PLEKHJ1: variants seen among roughly 807,000 people sequenced by gnomAD.
The protein encoded by PLEKHJ1 is pleckstrin homology domain containing J1, also known as pleckstrin homology domain-containing family J member 1.
Under a neutral mutation model 21.7 loss-of-function variants are expected in PLEKHJ1, and 20 were observed. The ratio of observed to expected loss-of-function variants is 0.92; its 90% CI spans 0.65 to 1.34. The LOEUF (loss-of-function observed/expected upper bound fraction) is 1.34, where lower values mean the gene tolerates loss of function less well. PLEKHJ1 is among the 40% of genes most tolerant of loss of function. The pLI, the probability that PLEKHJ1 is intolerant of heterozygous loss-of-function variation, is 0.00. For synonymous variants in PLEKHJ1, 113 were observed against 80.6 expected (o/e 1.40, Z -2.15); for missense variants, 241 against 202.0 (o/e 1.19, Z -1.17).
At chr19:2,234,566 A>T in intron 3 of PLEKHJ1, 2 of 288,062 alleles carry the variant, frequency 6.9e-6, no homozygotes, top group Non-Finnish European at 6.6e-6. Flanking sequence ...AAAATTAGCC[A>T]GGTGTGGTGG....
At chr19:2,233,976 C>G in intron 5 of PLEKHJ1, 22 bp downstream of exon 5, 1 of 1,611,918 alleles carries the variant, frequency 6.2e-7, no homozygotes, top group South Asian at 1.1e-5. Flanking sequence ...CCCACCCCGG[C>G]CCTCTGCAGC....
downstream of PLEKHJ1, chr19:2,232,433 TG>T (rs1224583556): frequency 1.9e-5 from 4 of 215,834 alleles, no homozygotes; most frequent in Middle Eastern, 1.5e-3. Context: ...TGGGAGGCTC[TG>T]CCGTGTCTTC....
At chr19:2,234,404 T>C (rs991743444) in intron 3 of PLEKHJ1, 164 bp from the exon 4 acceptor site, 11 of 591,750 alleles carry the variant, frequency 1.9e-5, no homozygotes, top group Non-Finnish European at 3.0e-5. Context: ...GGTCTTTGCA[T>C]ATAAACTAGT....
In PLEKHJ1 at chr19:2,233,442, G is replaced by C. The variant is rs371123331; in HGVS notation, c.*398C>G. 1 of 244,882 alleles carries C rather than the reference G, an allele frequency of 4.1e-6. No individual in the cohort carries two copies. Among genetic ancestry groups the C allele is most frequent in the East Asian group, 9.0e-5 (1 of 11,106 alleles). 15.2% of individuals were successfully genotyped at this position (244,882 alleles called of 1,614,324 possible). A position where few individuals can be genotyped will look rare whatever the true frequency, so the allele number is the denominator to read the frequency against. ...CTGGCGGCAGCAGCACGTGGCACCA[G>C]GTGCCAGGCCAGTTAGGTGGATCCT... On this transcript the variant is annotated 3_prime_UTR_variant, in exon 6 of 6. Transcript: ENST00000326631.
At chr19:2,234,699 C>G (rs1219034166) in intron 3 of PLEKHJ1, 1 of 158,974 alleles carries the variant, frequency 6.3e-6, no homozygotes, top group Non-Finnish European at 1.4e-5. Flanking sequence ...ACAAAAGATC[C>G]TGTCTCAAAA....
rs2024788194 is a variant in PLEKHJ1, at chr19:2,235,756, A to G, written c.229+6T>C. Reference sequence around the variant, plus strand: ...AAGCGCCGCTGGCTTCCCTAGCCCCACTCACTGATGGAGAAGGTGCCGGGC... The same window carrying G: ...AAGCGCCGCTGGCTTCCCTAGCCCCGCTCACTGATGGAGAAGGTGCCGGGC... On this transcript the variant is annotated splice_donor_region_variant and intron_variant, in intron 3 of 5. Coordinates refer to ENST00000326631, the MANE Select transcript of PLEKHJ1 (RefSeq NM_018049.3). 2.6e-6 allele frequency: 4 copies of G among 1,547,914 alleles called. No individual in the cohort carries two copies. The highest frequency in any genetic ancestry group is 1.4e-5 in the African/African-American group (1 of 72,908).
At position 2,233,655 on chromosome 19, in the gene PLEKHJ1, CTT is replaced by C. The variant is rs2024686161; in HGVS notation, c.*183_*184del. On this transcript the variant is annotated 3_prime_UTR_variant, in exon 6 of 6. Coordinates refer to ENST00000326631, the MANE Select transcript of PLEKHJ1 (RefSeq NM_018049.3). Reference sequence around the variant, plus strand: ...TTGGGAAGCTGAGGCAGGAGGATCACTTGAGTCCAGAAGGTCAAGGTCACAGT... The same window carrying C: ...TTGGGAAGCTGAGGCAGGAGGATCACGAGTCCAGAAGGTCAAGGTCACAGT... 1 of 596,420 alleles carries C rather than the reference CTT, an allele frequency of 1.7e-6. No individual in the cohort carries two copies. Among genetic ancestry groups the C allele is most frequent in the East Asian group, 2.8e-5 (1 of 35,600 alleles). The allele number at this position is 596,420 out of a possible 1,614,324, so 36.9% of individuals were successfully genotyped here.
chr19:2,235,738 G>A (rs931418442), intron 3 of PLEKHJ1, 24 bp downstream of exon 3: 14 of 1,540,386 alleles, frequency 9.1e-6, no homozygotes, highest in South Asian at 2.4e-5. Flanking sequence ...GGGAAGCGCC[G>A]CTGGCTTCCC....
chr19:2,235,949 A>G lies in PLEKHJ1; in HGVS notation c.136T>C (p.Phe46Leu). ...RLVKLVVNFL[F>L]YFRTDEAEPV... ...TCGGCCTCGTCTGTCCGAAAGTAGA[A>G]GAGGAAATTCACCACCAGCTTCACC... Residue 46 changes from phenylalanine (F) to leucine (L), a missense_variant, in exon 2 of 6, where the codon TTC becomes CTC. By Grantham distance (22) the Phe-to-Leu change is conservative. Transcript: ENST00000326631. The G allele has an allele frequency of 6.2e-7, 1 of 1,610,492 alleles. No homozygotes were observed. Among genetic ancestry groups the G allele is most frequent in the Non-Finnish European group, 8.5e-7 (1 of 1,179,082 alleles).
At chr19:2,231,110 G>A (rs1167463495), downstream of PLEKHJ1, 1 of 230,210 alleles carries the variant, frequency 4.3e-6, no homozygotes, top group Non-Finnish European at 8.6e-6. Flanking sequence ...CAGTGCTTCT[G>A]GAGCCCTGAG....
rs2024680161 is a variant in PLEKHJ1 at position 2,233,435 on chromosome 19, G to C, written c.*405C>G. 4.2e-6 allele frequency: 1 copy of C among 238,472 alleles called. No homozygotes were observed. Among genetic ancestry groups the C allele is most frequent in the Admixed American group, 5.4e-5 (1 of 18,496 alleles). 14.8% of individuals were successfully genotyped at this position (238,472 alleles called of 1,614,324 possible). A position where few individuals can be genotyped will look rare whatever the true frequency, so the allele number is the denominator to read the frequency against. ...GCATATCCTGGCGGCAGCAGCACGTGGCACCAGGTGCCAGGCCAGTTAGGT... is the reference window on the plus strand; with the variant it reads ...GCATATCCTGGCGGCAGCAGCACGTCGCACCAGGTGCCAGGCCAGTTAGGT... On this transcript the variant is annotated 3_prime_UTR_variant, in exon 6 of 6. Coordinates refer to ENST00000326631, the MANE Select transcript of PLEKHJ1 (RefSeq NM_018049.3).
At position 2,235,579 on chromosome 19, in the gene PLEKHJ1, G is replaced by A. The variant is rs923493946; in HGVS notation, c.229+183C>T. On this transcript the variant is annotated intron_variant, in intron 3 of 5. Transcript: ENST00000326631. ...TTAAGTGGACTCGGCAGGTGGGAAG[G>A]GTGGTGCCCGCCAGGAGAACTTGAC... The A allele has an allele frequency of 1.2e-5, 7 of 599,196 alleles. No homozygotes were observed. In the African/African-American group the frequency reaches 1.3e-4, roughly 11 times the overall value. 37.1% of individuals were successfully genotyped at this position (599,196 alleles called of 1,614,324 possible).
At chr19:2,231,877 C>T (rs935056580), downstream of PLEKHJ1, 1 of 220,368 alleles carries the variant, frequency 4.5e-6, no homozygotes, top group Non-Finnish European at 9.1e-6. Flanking sequence ...ACCGTATGTT[C>T]AGGACACGCA....
downstream of PLEKHJ1, chr19:2,232,268 AT>A (rs2024635185): frequency 4.7e-6 from 1 of 211,518 alleles, no homozygotes; most frequent in African/African-American, 2.3e-5. Flanking sequence ...ACAGTGACTT[AT>A]TTAAGACTTC....
intron 3 of PLEKHJ1, 74 bp from the exon 4 acceptor site, chr19:2,234,314 G>C: frequency 8.8e-7 from 1 of 1,131,538 alleles, no homozygotes; most frequent in Non-Finnish European, 1.3e-6. Flanking sequence ...CCCATAAACT[G>C]TCCCTTCTCT....
downstream of PLEKHJ1, chr19:2,230,112 C>T (rs1222045864): frequency 1.5e-5 from 8 of 537,818 alleles, no homozygotes; most frequent in African/African-American, 3.9e-5. Flanking sequence ...TATAAAGACA[C>T]GTGTCTGCAG....
rs1166054109 is a variant in PLEKHJ1, at chr19:2,233,848, G to A, written c.442C>T (p.Gln148Ter). Residue 148 changes from glutamine to a stop codon, truncating the protein, a stop_gained, in exon 6 of 6, where the codon CAG (glutamine) becomes TAG (stop). Coordinates refer to ENST00000326631, the MANE Select transcript of PLEKHJ1 (RefSeq NM_018049.3). LOFTEE classifies it high-confidence loss of function. ...EEARFQLSGL[Q>*]A ...ACCACCGTGCCCTGCGCTCACGCCT[G>A]CAAGCCACTCAGCTGGAACCTGGCC... 6.2e-6 allele frequency: 10 copies of A among 1,609,184 alleles called. No homozygotes were observed. The highest frequency in any genetic ancestry group is 1.7e-5 in the Admixed American group (1 of 59,614).
At chr19:2,232,436 CGT>C (rs1568382524), downstream of PLEKHJ1, 1 of 221,656 alleles carries the variant, frequency 4.5e-6, no homozygotes, top group Non-Finnish European at 9.0e-6. Flanking sequence ...GAGGCTCTGC[CGT>C]GTCTTCCGGG....
At chr19:2,235,643 G>T in intron 3 of PLEKHJ1, 119 bp downstream of exon 3, 2 of 809,352 alleles carry the variant, frequency 2.5e-6, no homozygotes, top group Non-Finnish European at 1.9e-6. Context: ...TGTGTTTGAG[G>T]AGGGTGGCGC....
Sources: allele counts gnomAD v4.1 joint callset, GRCh38; gene constraint gnomAD v4.1.1; transcripts MANE v1.5; gene names NCBI Gene and HGNC (gene_info 2026-07-23, HGNC 2026-07-21).